Variants in KLHL1 observed in about 807,000 individuals in gnomAD.
The protein encoded by KLHL1 is kelch-like protein 1.
A neutral mutation model predicts 77.7 loss-of-function variants in KLHL1; 47 were observed. The observed-to-expected ratio is 0.60, with a 90% confidence interval of 0.48 to 0.77. KLHL1 has a LOEUF of 0.77. Among genes scored for constraint, KLHL1 ranks in the 30% least tolerant of loss-of-function variants. KLHL1 has a pLI of 0.00. For missense variants in KLHL1, 925 were observed against 910.8 expected (o/e 1.02, Z -0.20); for synonymous variants, 360 against 325.2 (o/e 1.11, Z -1.15).
chr13:69,990,894 T>C (rs1276354569), intron 1 of KLHL1, among the ~76,000 whole-genome samples: 1 of 151,832 alleles, frequency 6.6e-6, no homozygotes, highest in African/African-American at 2.4e-5. Context: ...AAGTCAACCA[T>C]GCAATTGGAC....
Position 70,107,367 on chromosome 13 carries a change from G to A in KLHL1, c.333C>T (p.Gly111=), listed in dbSNP as rs776893645. The stretch of plus-strand genomic sequence containing the variant: ...AGAGAGTCCTGGCTGGCTGCTGAGT[G>A]CCCTGCCCAGGAGCCCCTTGCTGCA... ...TRLQQGAPGQ[G]TQQPARTLFY... Residue 111 remains glycine (G), a synonymous_variant, in exon 1 of 11, where the codon GGC becomes GGT. Transcript: ENST00000377844. 6.2e-7 allele frequency: 1 copy of A among 1,614,078 alleles called. No homozygotes were observed. Among genetic ancestry groups the A allele is most frequent in the Admixed American group, 1.7e-5 (1 of 60,014 alleles).
chr13:70,041,699 C>T (rs1471831368), intron 1 of KLHL1, among the ~76,000 whole-genome samples: 4 of 152,022 alleles, frequency 2.6e-5, no homozygotes, highest in Non-Finnish European at 2.9e-5. Flanking sequence ...TGACACTACC[C>T]CAGTGGAGTG....
At chr13:69,979,881 T>C (rs935705720) in intron 1 of KLHL1, among the ~76,000 whole-genome samples, 2 of 152,216 alleles carry the variant, frequency 1.3e-5, no homozygotes, top group Admixed American at 6.5e-5. Context: ...ACTATTCTAT[T>C]TCCTTTCATA....
intron 1 of KLHL1, among the ~76,000 whole-genome samples, chr13:70,002,963 T>C (rs914896962): frequency 4.6e-5 from 7 of 151,654 alleles, no homozygotes; most frequent in Non-Finnish European, 8.9e-5. Context: ...ATTTAAATAC[T>C]ACCTACATAC....
chr13:70,034,686 G>A (rs1352426886), intron 1 of KLHL1, among the ~76,000 whole-genome samples: 1 of 152,120 alleles, frequency 6.6e-6, no homozygotes, highest in Non-Finnish European at 1.5e-5. Context: ...AGGTGCATGT[G>A]TATTTTGAGG....
intron 6 of KLHL1, among the ~76,000 whole-genome samples, chr13:69,822,555 C>T (rs1414095289): frequency 4.6e-5 from 7 of 152,068 alleles, no homozygotes; most frequent in Non-Finnish European, 5.9e-5. Flanking sequence ...TTTCTACCCA[C>T]GCATCAGAGT....
chr13:70,077,996 C>A (rs2137426558), intron 1 of KLHL1, among the ~76,000 whole-genome samples: 1 of 152,048 alleles, frequency 6.6e-6, no homozygotes, highest in East Asian at 1.9e-4. Context: ...TTCTAAAAAT[C>A]CTGTACTGGA....
At chr13:69,800,665 C>T (rs915148454) in intron 6 of KLHL1, among the ~76,000 whole-genome samples, 1 of 152,030 alleles carries the variant, frequency 6.6e-6, no homozygotes, top group African/African-American at 2.4e-5. Context: ...ACTTTATTAG[C>T]TTTCTATCTA....
intron 7 of KLHL1, among the ~76,000 whole-genome samples, chr13:69,778,841 G>A (rs572189625): frequency 2.4e-5 from 3 of 127,304 alleles, no homozygotes; most frequent in Admixed American, 2.0e-4. Context: ...CTCTGTCACC[G>A]AGGCTGGAGT....
intron 1 of KLHL1, among the ~76,000 whole-genome samples, chr13:70,084,477 T>TTTTTTTTTTTG (rs1887474414): frequency 6.8e-6 from 1 of 147,396 alleles, no homozygotes; most frequent in Admixed American, 6.8e-5. Flanking sequence ...TTTTTTTTTT[T>TTTTTTTTTTTG]GAGACGGAGT....
rs184789407 is a variant in KLHL1 at position 69,721,074 on chromosome 13, T to C, written c.1803-1493A>G. 6.9e-4 allele frequency among the ~76,000 whole-genome samples: 42 copies of C among 60,668 alleles called. 2 individuals carry two copies. The highest frequency in any genetic ancestry group is 6.3e-3 in the Middle Eastern group (1 of 160). The allele number at this position is 60,668 out of a possible 152,430, so 39.8% of individuals were successfully genotyped here. ...AGATAGCTACTAAGATATATATATA[T>C]ATATAAAGCTATGTACCTCCCTTAC... On this transcript the variant is annotated intron_variant, in intron 8 of 10. Coordinates refer to ENST00000377844, the MANE Select transcript of KLHL1 (RefSeq NM_020866.3).
At chr13:70,094,306 C>G (rs891524350) in intron 1 of KLHL1, among the ~76,000 whole-genome samples, 1 of 151,130 alleles carries the variant, frequency 6.6e-6, no homozygotes, top group Non-Finnish European at 1.5e-5. Context: ...AGCTGCATGA[C>G]AGAGTGAGAA....
intron 1 of KLHL1, among the ~76,000 whole-genome samples, chr13:70,094,623 T>A (rs1398670943): frequency 6.6e-6 from 1 of 152,118 alleles, no homozygotes; most frequent in Non-Finnish European, 1.5e-5. Flanking sequence ...TACCTCCAAG[T>A]AAAGCAAGAG....
chr13:70,096,737 T>A (rs902449124), intron 1 of KLHL1, among the ~76,000 whole-genome samples: 2 of 151,870 alleles, frequency 1.3e-5, no homozygotes, highest in African/African-American at 4.8e-5. Flanking sequence ...AGAAGTAATA[T>A]CCCTTAAAAA....
intron 1 of KLHL1, among the ~76,000 whole-genome samples, chr13:70,070,459 A>G (rs75613531): frequency 0.2 from 29,665 of 151,900 alleles, 3,067 homozygotes; most frequent in Admixed American, 0.27. Flanking sequence ...TAAAATATTC[A>G]AAATGTTAAA....
At chr13:69,959,595 TC>T in intron 3 of KLHL1, among the ~76,000 whole-genome samples, 1 of 151,208 alleles carries the variant, frequency 6.6e-6, no homozygotes, top group East Asian at 2.0e-4. Flanking sequence ...TTTTCTCTAA[TC>T]CTTTGAGATG....
chr13:69,938,985 ATTCT>A (rs1883264968), intron 4 of KLHL1, among the ~76,000 whole-genome samples: 1 of 152,092 alleles, frequency 6.6e-6, no homozygotes, highest in African/African-American at 2.4e-5. Context: ...TCTCATTTTA[ATTCT>A]TTCTTTGAGT....
At chr13:70,095,895 C>T (rs1480551305) in intron 1 of KLHL1, among the ~76,000 whole-genome samples, 2 of 151,864 alleles carry the variant, frequency 1.3e-5, no homozygotes, top group African/African-American at 4.8e-5. Flanking sequence ...CACTCTATCT[C>T]CATGAGTTCA....
rs191639952 is a variant in KLHL1 at position 70,043,505 on chromosome 13, A to G, written c.497+63698T>C. 7.2e-5 allele frequency among the ~76,000 whole-genome samples: 11 copies of G among 152,282 alleles called. No homozygotes were observed. In the East Asian group the frequency reaches 2.1e-3, roughly 29 times the overall value. On this transcript the variant is annotated intron_variant, in intron 1 of 10. Coordinates refer to ENST00000377844, the MANE Select transcript of KLHL1 (RefSeq NM_020866.3). ...ATGTTCTTGGCCTTCACATTCGCTC[A>G]CTACTTACTCATTGACTCATCCAGA...
Sources: allele counts gnomAD v4.1 joint callset (sites outside exome capture counted in the v4.1 genomes callset), GRCh38; gene constraint gnomAD v4.1.1; transcripts MANE v1.5; gene names NCBI Gene and HGNC (gene_info 2026-07-23, HGNC 2026-07-21).